The following BCL2L13 variants were observed in gnomAD, a reference collection of about 807,000 sequenced individuals.
BCL2L13 encodes bcl-2-like protein 13.
BCL2L13 carries 13 observed loss-of-function variants against 25.8 expected under a neutral mutation model. The observed-to-expected ratio is 0.50, with a 90% confidence interval of 0.33 to 0.80. The LOEUF (loss-of-function observed/expected upper bound fraction) is 0.80, where lower values mean the gene tolerates loss of function less well. Ranked by LOEUF, BCL2L13 falls within the 30% of genes least tolerant of loss-of-function variation. The pLI, the probability that BCL2L13 is intolerant of heterozygous loss-of-function variation, is 0.02. For missense variants in BCL2L13, 504 were observed against 574.9 expected (o/e 0.88, Z 1.26); for synonymous variants, 244 against 230.3 (o/e 1.06, Z -0.54).
chr22:17,636,631 A>G (rs911742510), upstream of BCL2L13, among the ~76,000 whole-genome samples: 4 of 151,904 alleles, frequency 2.6e-5, no homozygotes, highest in African/African-American at 9.7e-5. Flanking sequence ...TCTACTAAGA[A>G]TACAAAAAAA....
At chr22:17,643,299 A>G (rs956111897) in intron 1 of BCL2L13, among the ~76,000 whole-genome samples, 9 of 150,974 alleles carry the variant, frequency 6.0e-5, no homozygotes, top group Non-Finnish European at 8.9e-5. Flanking sequence ...TTTTTTTGAG[A>G]TGCAGTTTCA....
At chr22:17,667,552 A>G (rs1358700262) in intron 2 of BCL2L13, among the ~76,000 whole-genome samples, 1 of 151,812 alleles carries the variant, frequency 6.6e-6, no homozygotes, top group Non-Finnish European at 1.5e-5. Context: ...TCTGTTGCCC[A>G]GGCTGGAATA....
intron 1 of BCL2L13, among the ~76,000 whole-genome samples, chr22:17,648,079 G>T (rs2058556248): frequency 6.6e-6 from 1 of 151,280 alleles, no homozygotes; most frequent in Non-Finnish European, 1.5e-5. Context: ...GCAGTGAGCC[G>T]AGGTCATGCC....
At chr22:17,690,788 C>T (rs908116610) in intron 4 of BCL2L13, among the ~76,000 whole-genome samples, 26 of 152,016 alleles carry the variant, frequency 1.7e-4, no homozygotes, top group African/African-American at 5.1e-4. Context: ...TTAAAAAAGT[C>T]GTATTTGGAT....
At chr22:17,661,640 A>G (rs1238925531) in intron 2 of BCL2L13, among the ~76,000 whole-genome samples, 1 of 145,834 alleles carries the variant, frequency 6.9e-6, no homozygotes, top group East Asian at 1.9e-4. Context: ...GTACACGTAA[A>G]TAAATAGAAA....
At chr22:17,676,029 A>G (rs961240662) in intron 2 of BCL2L13, among the ~76,000 whole-genome samples, 1 of 152,236 alleles carries the variant, frequency 6.6e-6, no homozygotes, top group Non-Finnish European at 1.5e-5. Context: ...CTGTTCACAG[A>G]GATAAGGGGC....
At chr22:17,674,800 G>C (rs772186969) in intron 2 of BCL2L13, among the ~76,000 whole-genome samples, 1 of 151,988 alleles carries the variant, frequency 6.6e-6, no homozygotes, top group African/African-American at 2.4e-5. Flanking sequence ...TTGTTAGATA[G>C]TGAGAAATTG....
At chr22:17,717,145 G>A (rs1313335622) in intron 6 of BCL2L13, among the ~76,000 whole-genome samples, 2 of 151,904 alleles carry the variant, frequency 1.3e-5, no homozygotes, top group Non-Finnish European at 2.9e-5. Context: ...GCTCATCTTT[G>A]ATCTGCTGGT....
chr22:17,638,747 G>C (rs932834121), upstream of BCL2L13: 68 of 1,231,742 alleles, frequency 5.5e-5, no homozygotes, highest in African/African-American at 7.6e-4. Flanking sequence ...AGGCACGCCG[G>C]GGTGACCTCA....
intron 6 of BCL2L13, among the ~76,000 whole-genome samples, chr22:17,714,065 A>G (rs112850451): frequency 0.054 from 8,196 of 151,632 alleles, 370 homozygotes; most frequent in African/African-American, 0.12. Flanking sequence ...AGGCCGAGGC[A>G]GGTGGATCAC....
Position 17,686,517 on chromosome 22 carries a change from CTTTT to C in BCL2L13, c.230-2461_230-2458del, listed in dbSNP as rs542476608. Reference sequence around the variant, plus strand: ...TTGTCTTTTATATTTCTTTTTTTTTCTTTTTTTTTTTGAGACAGAGTCTCGCTCT... The same window carrying C: ...TTGTCTTTTATATTTCTTTTTTTTTCTTTTTTTGAGACAGAGTCTCGCTCT... On this transcript the variant is annotated intron_variant, in intron 3 of 6. Transcript: ENST00000317582. Among the ~76,000 whole-genome samples, 5 of 140,002 alleles carry C rather than the reference CTTTT, an allele frequency of 3.6e-5. No individual in the cohort carries two copies. In the East Asian group the frequency reaches 1.0e-3, roughly 29 times the overall value. The allele number at this position is 140,002 out of a possible 152,430, so 91.8% of individuals were successfully genotyped here.
At chr22:17,706,549 A>G (rs991531060) in intron 6 of BCL2L13, 1 of 448,674 alleles carries the variant, frequency 2.2e-6, no homozygotes, top group African/African-American at 2.1e-5. Flanking sequence ...GTTTTGTGAA[A>G]ATGTCACACT....
intron 1 of BCL2L13, among the ~76,000 whole-genome samples, chr22:17,651,277 C>T (rs899838470): frequency 2.6e-5 from 4 of 151,696 alleles, no homozygotes; most frequent in Admixed American, 6.6e-5. Context: ...GGATTATAGG[C>T]GTGAGCCATG....
chr22:17,656,433 C>T (rs1220571402), intron 2 of BCL2L13, among the ~76,000 whole-genome samples: 4 of 133,680 alleles, frequency 3.0e-5, no homozygotes, highest in African/African-American at 1.1e-4. Flanking sequence ...TCACTGCAAC[C>T]TCCACCTTCC....
chr22:17,686,446 T>G (rs5747327), intron 3 of BCL2L13, among the ~76,000 whole-genome samples: 77,369 of 151,024 alleles, frequency 0.51, 20,506 homozygotes, highest in East Asian at 0.84. Context: ...TGAGACCATT[T>G]AAAAAAAATG....
At chr22:17,663,853 AT>A (rs564698385) in intron 2 of BCL2L13, among the ~76,000 whole-genome samples, 19,346 of 90,194 alleles carry the variant, frequency 0.21, 1,667 homozygotes, top group Middle Eastern at 0.33. Context: ...CGCCTGGCTA[AT>A]TTTTTTTTTT....
intron 1 of BCL2L13, among the ~76,000 whole-genome samples, chr22:17,630,861 G>A (rs751473837): frequency 1.4e-4 from 21 of 152,030 alleles, no homozygotes; most frequent in Admixed American, 2.6e-4. Flanking sequence ...AAAGTGCTGG[G>A]ATTACAGACG....
intron 1 of BCL2L13, among the ~76,000 whole-genome samples, chr22:17,652,922 G>A (rs1044900819): frequency 5.3e-5 from 8 of 151,958 alleles, no homozygotes; most frequent in South Asian, 2.1e-4. Context: ...AAAATTAGCC[G>A]GGCGTGGTGG....
chr22:17,706,046 C>A (rs1021608397), intron 6 of BCL2L13, among the ~76,000 whole-genome samples: 2 of 152,206 alleles, frequency 1.3e-5, no homozygotes, highest in Non-Finnish European at 2.9e-5. Flanking sequence ...CAGGGTCTTG[C>A]TTTGTTGCCC....
Sources: gnomAD v4.1 joint callset for allele counts (sites outside exome capture counted in the v4.1 genomes callset) on GRCh38, gnomAD v4.1.1 for gene constraint, MANE v1.5 for transcripts, NCBI Gene and HGNC (gene_info 2026-07-23, HGNC 2026-07-21) for gene names.